The following MYO3B variants were observed in gnomAD, a reference collection of about 807,000 sequenced individuals.
The protein encoded by MYO3B is myosin-IIIb.
A neutral mutation model predicts 174.6 loss-of-function variants in MYO3B; 156 were observed. The observed-to-expected ratio is 0.89, with a 90% confidence interval of 0.78 to 1.02. MYO3B has a LOEUF of 1.02. MYO3B is among the 50% of genes least tolerant of loss of function. The pLI, the probability that MYO3B is intolerant of heterozygous loss-of-function variation, is 0.00. For missense variants in MYO3B, 1,632 were observed against 1,639.4 expected (o/e 1.00, Z 0.08); for synonymous variants, 563 against 569.1 (o/e 0.99, Z 0.15).
chr2:170,455,124 G>A (rs1363131969), intron 23 of MYO3B, among the ~76,000 whole-genome samples: 1 of 152,174 alleles, frequency 6.6e-6, no homozygotes, highest in Non-Finnish European at 1.5e-5. Context: ...GCAGTCTCCA[G>A]CTGCATGACT....
intron 32 of MYO3B, among the ~76,000 whole-genome samples, chr2:170,565,288 C>T (rs1461414593): frequency 1.3e-5 from 2 of 152,144 alleles, no homozygotes; most frequent in Admixed American, 6.5e-5. Flanking sequence ...CCAGCAATAC[C>T]TGTTTTATAA....
chr2:170,622,613 T>G (rs1696025736), intron 32 of MYO3B, among the ~76,000 whole-genome samples: 1 of 152,186 alleles, frequency 6.6e-6, no homozygotes, highest in Non-Finnish European at 1.5e-5. Context: ...AGGGTACATG[T>G]GCACAACGTG....
chr2:170,375,486 C>A (rs1326322384), intron 9 of MYO3B, among the ~76,000 whole-genome samples: 2 of 148,956 alleles, frequency 1.3e-5, no homozygotes, highest in Non-Finnish European at 3.0e-5. Flanking sequence ...CTAAGTATTA[C>A]TTGGTAGAAG....
At chr2:170,354,285 TTTTG>T (rs2094102521) in intron 8 of MYO3B, among the ~76,000 whole-genome samples, 1 of 152,198 alleles carries the variant, frequency 6.6e-6, no homozygotes, top group Non-Finnish European at 1.5e-5. Context: ...TTTTGTTCTG[TTTTG>T]TTTTTCTTTC....
intron 23 of MYO3B, among the ~76,000 whole-genome samples, chr2:170,447,318 G>A (rs1559010212): frequency 6.6e-6 from 1 of 151,968 alleles, no homozygotes; most frequent in African/African-American, 2.4e-5. Context: ...GTGCTGTCGG[G>A]TTTTTTTTCT....
At chr2:170,603,287 T>A (rs1470877760) in intron 32 of MYO3B, among the ~76,000 whole-genome samples, 1 of 152,026 alleles carries the variant, frequency 6.6e-6, no homozygotes, top group Non-Finnish European at 1.5e-5. Flanking sequence ...AAAATATTAA[T>A]TGTCCATATA....
At position 170,369,042 on chromosome 2, in the gene MYO3B, A is replaced by G. The variant is rs142296087; in HGVS notation, c.816-180A>G. 9.9e-4 allele frequency among the ~76,000 whole-genome samples: 151 copies of G among 152,292 alleles called. 2 individuals are homozygous for G. In the East Asian group the frequency reaches 0.029, roughly 29 times the overall value. ...TTCTGATGTTTTAATTAATTCAACT[A>G]ATAGAGAATTACTATTTTTCTGTTT... is the stretch of plus-strand genomic sequence containing the variant. On this transcript the variant is annotated intron_variant, in intron 8 of 34. Transcript: ENST00000408978.
rs1411754241 is a variant in MYO3B at position 170,320,419 on chromosome 2, T to A, written c.750-14966T>A. 2.0e-5 allele frequency among the ~76,000 whole-genome samples: 3 copies of A among 152,306 alleles called. No homozygotes were observed. In the East Asian group the frequency reaches 5.8e-4, roughly 29 times the overall value. On this transcript the variant is annotated intron_variant, in intron 7 of 34. Coordinates refer to ENST00000408978, the MANE Select transcript of MYO3B (RefSeq NM_138995.5). The stretch of plus-strand genomic sequence containing the variant: ...CATCACGTTCATAAAGCAGAAGCTA[T>A]GAAAAATACAAGGAGATGTACATTG...
intron 8 of MYO3B, among the ~76,000 whole-genome samples, chr2:170,352,147 T>A (rs2094077772): frequency 6.6e-6 from 1 of 152,102 alleles, no homozygotes; most frequent in African/African-American, 2.4e-5. Flanking sequence ...GAGACGGGGT[T>A]TCACCGTGTT....
At chr2:170,515,246 C>A (rs1688235926) in intron 29 of MYO3B, among the ~76,000 whole-genome samples, 1 of 152,230 alleles carries the variant, frequency 6.6e-6, no homozygotes, top group East Asian at 1.9e-4. Context: ...CTCCGTTCCT[C>A]ACAGTTGCCC....
intron 32 of MYO3B, among the ~76,000 whole-genome samples, chr2:170,649,189 T>TA (rs1420869529): frequency 3.0e-5 from 1 of 33,358 alleles, no homozygotes; most frequent in Non-Finnish European, 4.9e-5. Context: ...TATAAAATAA[T>TA]ATATATTATA....
At chr2:170,338,764 A>G (rs562966014) in intron 8 of MYO3B, among the ~76,000 whole-genome samples, 1 of 152,108 alleles carries the variant, frequency 6.6e-6, no homozygotes, top group South Asian at 2.1e-4. Context: ...CACCAGGACC[A>G]GCTAGTTTTT....
In MYO3B at chr2:170,206,900, C is replaced by A. The variant is rs76258991; in HGVS notation, c.321+6616C>A. ...TGTTCCTGGTCTCTGACACTCCCTC[C>A]TATCATGAGGTCCTCATGTCCTTTG... On this transcript the variant is annotated intron_variant, in intron 3 of 34. Transcript: ENST00000408978. This position sits in a 1 kb window ranked among gnomAD's most constrained non-coding sequence, Gnocchi z 4.3. Among the ~76,000 whole-genome samples, 1,261 of 152,304 alleles carry A rather than the reference C, an allele frequency of 8.3e-3. 10 individuals are homozygous for A. The highest frequency in any genetic ancestry group is 0.031 in the Middle Eastern group (9 of 294).
chr2:170,275,072 A>G (rs540847186), intron 7 of MYO3B, among the ~76,000 whole-genome samples: 1 of 152,328 alleles, frequency 6.6e-6, no homozygotes, highest in East Asian at 1.9e-4. Flanking sequence ...GTTCAGAAAG[A>G]AATAAGCCCG....
At chr2:170,600,124 G>A (rs529498042) in intron 32 of MYO3B, among the ~76,000 whole-genome samples, 1 of 133,874 alleles carries the variant, frequency 7.5e-6, no homozygotes, top group Non-Finnish European at 1.5e-5. Context: ...GCCCTTCCTT[G>A]TTGTTGTTGT....
At chr2:170,486,986 A>G (rs910162559) in intron 25 of MYO3B, among the ~76,000 whole-genome samples, 3 of 152,178 alleles carry the variant, frequency 2.0e-5, no homozygotes, top group African/African-American at 7.2e-5. Context: ...TTAGTACTCA[A>G]TATCACTGTA....
At chr2:170,591,736 G>A (rs2106324612) in intron 32 of MYO3B, among the ~76,000 whole-genome samples, 1 of 152,286 alleles carries the variant, frequency 6.6e-6, no homozygotes, top group East Asian at 1.9e-4. Flanking sequence ...TTGGCCCAAG[G>A]CCACTACCTT....
intron 32 of MYO3B, among the ~76,000 whole-genome samples, chr2:170,619,445 C>A (rs1695709376): frequency 6.6e-6 from 1 of 152,260 alleles, no homozygotes; most frequent in African/African-American, 2.4e-5. Flanking sequence ...AGGGGGTCTC[C>A]CTGCAGCTTA....
chr2:170,417,293 C>G (rs1436511343), intron 22 of MYO3B, among the ~76,000 whole-genome samples: 5 of 152,170 alleles, frequency 3.3e-5, no homozygotes, highest in African/African-American at 1.2e-4. Context: ...ATCCCTGCCC[C>G]CACTCCATGC....
Sources: gnomAD v4.1 joint callset for allele counts (sites outside exome capture counted in the v4.1 genomes callset) on GRCh38, gnomAD v4.1.1 for gene constraint, Gnocchi (gnomAD v3.1) non-coding constraint, MANE v1.5 for transcripts, NCBI Gene and HGNC (gene_info 2026-07-23, HGNC 2026-07-21) for gene names.